The following COMMD8 variants were observed in gnomAD, a reference collection of about 807,000 sequenced individuals.
COMMD8 encodes the protein COMM domain containing 8.
In COMMD8, 28 loss-of-function variants were observed where a neutral mutation model predicts 27.2. That is an observed-to-expected ratio of 1.03 (90% CI 0.76 to 1.41). The LOEUF (loss-of-function observed/expected upper bound fraction) is 1.41, where lower values mean the gene tolerates loss of function less well. Ranked by LOEUF, COMMD8 falls within the 40% of genes most tolerant of loss-of-function variation. The pLI, the probability that COMMD8 is intolerant of heterozygous loss-of-function variation, is 0.00. For synonymous variants in COMMD8, 79 were observed against 75.5 expected (o/e 1.05, Z -0.24); for missense variants, 217 against 211.2 (o/e 1.03, Z -0.17).
intron 2 of COMMD8, among the ~76,000 whole-genome samples, chr4:47,458,586 G>A (rs900293923): frequency 3.9e-5 from 6 of 152,044 alleles, no homozygotes; most frequent in African/African-American, 1.4e-4. Context: ...ACTTTGGAAA[G>A]CTAAATGTTG....
In COMMD8 at chr4:47,451,561, C is replaced by A. The variant is rs1729752804; in HGVS notation, c.*84G>T. 1 of 1,047,364 alleles carries A rather than the reference C, an allele frequency of 9.5e-7. No homozygotes were observed. Among genetic ancestry groups the A allele is most frequent in the South Asian group, 1.3e-5 (1 of 76,962 alleles). 64.9% of individuals were successfully genotyped at this position (1,047,364 alleles called of 1,614,324 possible). A position where few individuals can be genotyped will look rare whatever the true frequency, so the allele number is the denominator to read the frequency against. On this transcript the variant is annotated 3_prime_UTR_variant, in exon 5 of 5. Transcript: ENST00000381571. ...GCCTGGTGCAACAGTCAAGACATCA[C>A]AAGGTTTCTGAACACGCAGTATTCA...
intron 2 of COMMD8, among the ~76,000 whole-genome samples, chr4:47,457,613 G>T (rs1729927848): frequency 6.6e-6 from 1 of 152,006 alleles, no homozygotes; most frequent in Non-Finnish European, 1.5e-5. Context: ...AGATCTCAAA[G>T]AACTAAATAA....
At chr4:47,456,038 G>T (rs1410104847) in intron 3 of COMMD8, among the ~76,000 whole-genome samples, 5 of 151,812 alleles carry the variant, frequency 3.3e-5, no homozygotes, top group Non-Finnish European at 5.9e-5. Flanking sequence ...TTGAGGCCAG[G>T]ATTTGAGACC....
Position 47,451,540 on chromosome 4 carries a change from G to T in COMMD8, c.*105C>A. ...ATCAATATTGCTGCTTTCTCAGCCT[G>T]GTGCAACAGTCAAGACATCACAAGG... On this transcript the variant is annotated 3_prime_UTR_variant, in exon 5 of 5. Coordinates refer to ENST00000381571, the MANE Select transcript of COMMD8 (RefSeq NM_017845.5). 1.2e-6 allele frequency: 1 copy of T among 826,098 alleles called. No individual in the cohort carries two copies. 51.2% of individuals were successfully genotyped at this position (826,098 alleles called of 1,614,324 possible).
At chr4:47,459,946 T>G (rs1190777906) in intron 2 of COMMD8, 198 bp downstream of exon 2, 4 of 453,474 alleles carry the variant, frequency 8.8e-6, no homozygotes, top group Non-Finnish European at 1.5e-5. Context: ...CTGTATGTTT[T>G]AAATGTTTCA....
intron 1 of COMMD8, among the ~76,000 whole-genome samples, chr4:47,462,326 AG>A (rs1191381634): frequency 1.3e-5 from 2 of 151,960 alleles, no homozygotes; most frequent in Admixed American, 6.6e-5. Flanking sequence ...AGATGTGAAA[AG>A]GGGGGGCCAT....
intron 1 of COMMD8, among the ~76,000 whole-genome samples, chr4:47,462,209 AAG>A (rs1341695279): frequency 1.3e-5 from 2 of 152,204 alleles, no homozygotes; most frequent in Non-Finnish European, 2.9e-5. Flanking sequence ...TGGAAGATGT[AAG>A]AGAGAGGGTG....
rs1729899278 is a variant in COMMD8 at position 47,456,675 on chromosome 4, A to C, written c.277T>G (p.Cys93Gly). ...ATTTCATCTTTCCTACTTTTCACGCATTTCATGATAGTTTCTTGATGAAGT... is the reference window on the plus strand; with the variant it reads ...ATTTCATCTTTCCTACTTTTCACGCCTTTCATGATAGTTTCTTGATGAAGT... ...NSLHQETIMK[C>G]VKSRKDEIKQ... The change falls in exon 3 of 5, where the codon TGC becomes GGC. Residue 93 changes from cysteine (C) to glycine (G), a missense_variant. Physicochemically the swap from Cys to Gly is radical, Grantham distance 159 (BLOSUM62 -3). Transcript: ENST00000381571. 2 of 1,608,300 alleles carry C rather than the reference A, an allele frequency of 1.2e-6. No individual in the cohort carries two copies. Among genetic ancestry groups the C allele is most frequent in the Non-Finnish European group, 8.5e-7 (1 of 1,177,870 alleles).
chr4:47,462,634 C>T (rs1730089593), intron 1 of COMMD8, among the ~76,000 whole-genome samples: 1 of 152,042 alleles, frequency 6.6e-6, no homozygotes, highest in Non-Finnish European at 1.5e-5. Context: ...AGGTTATGGG[C>T]CTTATCTAAA....
Position 47,463,610 on chromosome 4 carries a change from C to T in COMMD8, c.42G>A (p.Lys14=), listed in dbSNP as rs1396407121. The stretch of plus-strand genomic sequence containing the variant: ...CCTGCGGGCCCAGCTCGGCCGGCAG[C>T]TTCTGCAGCCGCCACAAGGGCGTCC... ...EEGTPLWRLQ[K]LPAELGPQLL... is the part of the protein sequence containing the mutation. Residue 14 remains lysine (K), a synonymous_variant, in exon 1 of 5, where the codon AAG becomes AAA. Transcript: ENST00000381571. The T allele has an allele frequency of 1.0e-5, 16 of 1,547,638 alleles. No homozygotes were observed. The highest frequency in any genetic ancestry group is 1.4e-5 in the Non-Finnish European group (16 of 1,146,278).
intron 3 of COMMD8, among the ~76,000 whole-genome samples, 171 bp downstream of exon 3, chr4:47,456,406 T>C (rs1729891337): frequency 6.6e-6 from 1 of 150,532 alleles, no homozygotes; most frequent in South Asian, 2.1e-4. Flanking sequence ...GCTTAGATGT[T>C]TGTAGTGTAC....
At chr4:47,461,739 C>A (rs949072131) in intron 1 of COMMD8, among the ~76,000 whole-genome samples, 16 of 151,860 alleles carry the variant, frequency 1.1e-4, no homozygotes, top group Admixed American at 9.8e-4. Flanking sequence ...AGGTACCACA[C>A]TCTGGACTGA....
Position 47,453,059 on chromosome 4 carries a change from C to T in COMMD8, c.531G>A (p.Lys177=), listed in dbSNP as rs1578171889. 4 of 1,596,674 alleles carry T rather than the reference C, an allele frequency of 2.5e-6. No individual in the cohort carries two copies. The highest frequency in any genetic ancestry group is 2.2e-5 in the East Asian group (1 of 44,730). Residue 177 remains lysine (K), a splice_region_variant and synonymous_variant, in exon 4 of 5, where the codon AAG becomes AAA. Coordinates refer to ENST00000381571, the MANE Select transcript of COMMD8 (RefSeq NM_017845.5). ...NLIQSLEAAN[K]VVLQLK ...CATATGACAAAATTATAGCAAATAC[C>T]TTATTCGCTGCTTCCAAGGACTGTA...
intron 2 of COMMD8, among the ~76,000 whole-genome samples, chr4:47,458,246 C>T (rs1729940587): frequency 6.6e-6 from 1 of 151,886 alleles, no homozygotes; most frequent in African/African-American, 2.4e-5. Flanking sequence ...TTAAAAGAAA[C>T]ACTGACTACT....
rs1729734292 is a variant in COMMD8 at position 47,450,877 on chromosome 4, A to G, written c.*768T>C. 1 of 152,358 alleles carries G rather than the reference A, an allele frequency of 6.6e-6. No individual in the cohort carries two copies. The highest frequency in any genetic ancestry group is 6.5e-5 in the Admixed American group (1 of 15,304). 9.4% of individuals were successfully genotyped at this position (152,358 alleles called of 1,614,324 possible). A position where few individuals can be genotyped will look rare whatever the true frequency, so the allele number is the denominator to read the frequency against. On this transcript the variant is annotated 3_prime_UTR_variant, in exon 5 of 5. Transcript: ENST00000381571. ...TGAATTTAACATCCCAAAGTATTCA[A>G]TATTGAGTTTATTAACAAAAGTGGA...
At chr4:47,452,557 C>T (rs1560388412) in intron 4 of COMMD8, among the ~76,000 whole-genome samples, 1 of 151,784 alleles carries the variant, frequency 6.6e-6, no homozygotes, top group African/African-American at 2.4e-5. Context: ...ATGTTCAAAA[C>T]TAATTGAACA....
At chr4:47,462,197 G>A (rs538176844) in intron 1 of COMMD8, among the ~76,000 whole-genome samples, 4 of 152,288 alleles carry the variant, frequency 2.6e-5, no homozygotes, top group Admixed American at 6.5e-5. Context: ...TTGCTAACAG[G>A]TTGGAAGATG....
Position 47,451,747 on chromosome 4 carries a change from CTG to C in COMMD8, c.532-84_532-83del, listed in dbSNP as rs538756031. On this transcript the variant is annotated intron_variant, in intron 4 of 4. Transcript: ENST00000381571. ...TTCCATATTAAATGCTTTGAAGTCT[CTG>C]AAAAAGGGCATGGAGAACTCATAAC... is the stretch of plus-strand genomic sequence containing the variant. 559 of 1,063,740 alleles carry C rather than the reference CTG, an allele frequency of 5.3e-4. 3 individuals carry two copies. Among genetic ancestry groups the C allele is most frequent in the South Asian group, 4.2e-3 (261 of 62,764 alleles). The allele number at this position is 1,063,740 out of a possible 1,614,324, so 65.9% of individuals were successfully genotyped here.
chr4:47,451,634 A>T lies in COMMD8; in HGVS notation c.*11T>A, dbSNP rs1578171269. 1.3e-6 allele frequency: 2 copies of T among 1,587,476 alleles called. No homozygotes were observed. Among genetic ancestry groups the T allele is most frequent in the South Asian group, 2.3e-5 (2 of 87,968 alleles). On this transcript the variant is annotated 3_prime_UTR_variant, in exon 5 of 5. Transcript: ENST00000381571. ...ATAAAATCTGATAGGACTGGTATTC[A>T]TCATTTCCAGTTATTTCAACTGCAG...
Sources: gnomAD v4.1 joint callset for allele counts (sites outside exome capture counted in the v4.1 genomes callset) on GRCh38, gnomAD v4.1.1 for gene constraint, MANE v1.5 for transcripts, NCBI Gene and HGNC (gene_info 2026-07-23, HGNC 2026-07-21) for gene names.